UBE2G1: variants seen among roughly 807,000 people sequenced by gnomAD.
UBE2G1 encodes the protein ubiquitin conjugating enzyme E2 G1, also known as ubiquitin-conjugating enzyme E2 G1.
Under a neutral mutation model 22.7 loss-of-function variants are expected in UBE2G1, and 5 were observed. That is an observed-to-expected ratio of 0.22 (90% CI 0.12 to 0.46). The LOEUF is 0.46. Ranked by LOEUF, UBE2G1 falls within the 20% of genes least tolerant of loss-of-function variation. The pLI, the probability that UBE2G1 is intolerant of heterozygous loss-of-function variation, is 0.99. For missense variants in UBE2G1, 88 were observed against 203.9 expected, an observed-to-expected ratio of 0.43 and a Z score of 3.46; for synonymous variants, 74 against 67.5, an observed-to-expected ratio of 1.10 and a Z score of -0.47.
chr17:4,290,506 T>A (rs145240721), intron 3 of UBE2G1, among the ~76,000 whole-genome samples: 51 of 152,276 alleles, frequency 3.3e-4, no homozygotes, highest in African/African-American at 1.2e-3. Flanking sequence ...GGGCCTCACT[T>A]TGTCACCCAG....
At chr17:4,309,764 C>T (rs1001898604) in intron 1 of UBE2G1, among the ~76,000 whole-genome samples, 1 of 152,146 alleles carries the variant, frequency 6.6e-6, no homozygotes, top group East Asian at 1.9e-4. Flanking sequence ...CCAGAAATCA[C>T]CTAGTTGTTG....
intron 1 of UBE2G1, among the ~76,000 whole-genome samples, chr17:4,318,968 T>C (rs1021315382): frequency 4.6e-5 from 7 of 152,096 alleles, no homozygotes; most frequent in African/African-American, 1.7e-4. Context: ...AAGAAAACAT[T>C]ATAAAGCAAC....
rs959916791 is a variant in UBE2G1 at position 4,300,528 on chromosome 17, G to A, written c.150-3714C>T. On this transcript the variant is annotated intron_variant, in intron 2 of 5. Coordinates refer to ENST00000396981, the MANE Select transcript of UBE2G1 (RefSeq NM_003342.5). Reference sequence around the variant, plus strand: ...ACTGCACTCCAGCCTGGGCCACAAAGCAAGACTCTGTCTCCAAAAATAATA... The same window carrying A: ...ACTGCACTCCAGCCTGGGCCACAAAACAAGACTCTGTCTCCAAAAATAATA... Among the ~76,000 whole-genome samples, 10 of 151,970 alleles carry A rather than the reference G, an allele frequency of 6.6e-5. No homozygotes were observed. The East Asian group carries it at 1.9e-3, about 29-fold the overall frequency.
chr17:4,293,202 A>T (rs974910381), intron 3 of UBE2G1, among the ~76,000 whole-genome samples: 1 of 152,108 alleles, frequency 6.6e-6, no homozygotes, highest in African/African-American at 2.4e-5. Context: ...GGATTTGTCT[A>T]TTCTTGACAT....
intron 1 of UBE2G1, among the ~76,000 whole-genome samples, chr17:4,350,037 C>T (rs567967288): frequency 6.6e-6 from 1 of 152,230 alleles, no homozygotes; most frequent in Admixed American, 6.5e-5. Context: ...ATCCTCCTGC[C>T]TCGGCCTCCC....
At chr17:4,277,506 A>G (rs915301233) in intron 5 of UBE2G1, among the ~76,000 whole-genome samples, 2 of 152,006 alleles carry the variant, frequency 1.3e-5, no homozygotes, top group Admixed American at 6.5e-5. Context: ...TATTCTTCCT[A>G]CCCCACAGCT....
intron 4 of UBE2G1, among the ~76,000 whole-genome samples, chr17:4,286,183 T>C (rs1482599279): frequency 2.0e-5 from 3 of 152,216 alleles, no homozygotes; most frequent in East Asian, 3.9e-4. Flanking sequence ...GGTGAGTGGA[T>C]CACCTGAGGT....
intron 1 of UBE2G1, among the ~76,000 whole-genome samples, chr17:4,353,066 A>C (rs1969863211): frequency 6.6e-6 from 1 of 152,006 alleles, no homozygotes; most frequent in Admixed American, 6.6e-5. Flanking sequence ...AAAATACAAA[A>C]AATTAGCCAG....
At chr17:4,329,121 A>AAAG (rs1415634648) in intron 1 of UBE2G1, among the ~76,000 whole-genome samples, 1 of 147,778 alleles carries the variant, frequency 6.8e-6, no homozygotes, top group Non-Finnish European at 1.5e-5. Flanking sequence ...AAAAAAAAAA[A>AAAG]AAAAAAAAAA....
At chr17:4,304,072 A>G (rs1289321957) in intron 2 of UBE2G1, among the ~76,000 whole-genome samples, 3 of 152,212 alleles carry the variant, frequency 2.0e-5, no homozygotes, top group African/African-American at 7.2e-5. Flanking sequence ...TGCCCAAGCT[A>G]GAGTGCAGTA....
chr17:4,338,933 C>T (rs1182661400), intron 1 of UBE2G1, among the ~76,000 whole-genome samples: 1 of 152,112 alleles, frequency 6.6e-6, no homozygotes, highest in Non-Finnish European at 1.5e-5. Context: ...GCCTACTGAC[C>T]GAGCACTACT....
At chr17:4,328,693 C>G (rs375907355) in intron 1 of UBE2G1, among the ~76,000 whole-genome samples, 1 of 152,174 alleles carries the variant, frequency 6.6e-6, no homozygotes, top group Non-Finnish European at 1.5e-5. Flanking sequence ...TAAAAGAAAC[C>G]TAAGCACGTA....
chr17:4,359,393 G>A (rs1475559895), intron 1 of UBE2G1, among the ~76,000 whole-genome samples: 1 of 152,180 alleles, frequency 6.6e-6, no homozygotes, highest in Non-Finnish European at 1.5e-5. Context: ...CTGGACATGG[G>A]TATAAAGGTT....
In UBE2G1 at chr17:4,269,478, G is replaced by A. The variant is rs1331526336; in HGVS notation, c.*3076C>T. ...TAATTCCACCAACTGGAGACCAGAC[G>A]GGCAAAGATACACAGGCACCACAGC... On this transcript the variant is annotated 3_prime_UTR_variant, in exon 6 of 6. Transcript: ENST00000396981. 1 of 184,112 alleles carries A rather than the reference G, an allele frequency of 5.4e-6. No individual in the cohort carries two copies. Among genetic ancestry groups the A allele is most frequent in the Non-Finnish European group, 1.1e-5 (1 of 87,614 alleles). The allele number at this position is 184,112 out of a possible 1,614,324, so 11.4% of individuals were successfully genotyped here. A position where few individuals can be genotyped will look rare whatever the true frequency, so the allele number is the denominator to read the frequency against.
At position 4,366,253 on chromosome 17, in the gene UBE2G1, C is replaced by T. The variant is rs1420491354; in HGVS notation, c.46+18G>A. On this transcript the variant is annotated intron_variant, in intron 1 of 5. Transcript: ENST00000396981. ...GCGATCGCGGCCGGGCCCGGCGCCC[C>T]GCCGCCCGCCTGCTCACCTGCCAGC... 1 of 1,534,652 alleles carries T rather than the reference C, an allele frequency of 6.5e-7. No individual in the cohort carries two copies. The highest frequency in any genetic ancestry group is 2.6e-5 in the East Asian group (1 of 37,924).
intron 1 of UBE2G1, among the ~76,000 whole-genome samples, chr17:4,331,058 TTC>T (rs1969571859): frequency 6.6e-6 from 1 of 151,738 alleles, no homozygotes; most frequent in African/African-American, 2.4e-5. Context: ...TAAAATAATT[TTC>T]TTTTTACCTA....
chr17:4,344,582 C>T (rs1163874553), intron 1 of UBE2G1, among the ~76,000 whole-genome samples: 3 of 151,750 alleles, frequency 2.0e-5, no homozygotes, highest in South Asian at 4.2e-4. Flanking sequence ...AAAAAGCTCT[C>T]AGCCAGGTGC....
intron 5 of UBE2G1, among the ~76,000 whole-genome samples, chr17:4,279,275 C>CAAAAAA (rs10593474): frequency 2.3e-5 from 3 of 131,622 alleles, no homozygotes; most frequent in African/African-American, 8.8e-5. Context: ...AACTCCATCT[C>CAAAAAA]AAAAAAAAAA....
At chr17:4,307,684 A>G (rs1969263145) in intron 1 of UBE2G1, among the ~76,000 whole-genome samples, 1 of 152,196 alleles carries the variant, frequency 6.6e-6, no homozygotes, top group Non-Finnish European at 1.5e-5. Flanking sequence ...CAGGGGCCCC[A>G]TATGTCTTGT....
Sources: allele counts gnomAD v4.1 joint callset (sites outside exome capture counted in the v4.1 genomes callset), GRCh38; gene constraint gnomAD v4.1.1; transcripts MANE v1.5; gene names NCBI Gene and HGNC (gene_info 2026-07-23, HGNC 2026-07-21).